The following CDC42BPB variants were observed in gnomAD, a reference collection of about 807,000 sequenced individuals.
CDC42BPB encodes the protein CDC42 binding protein kinase beta.
Under a neutral mutation model 214.9 loss-of-function variants are expected in CDC42BPB, and 37 were observed. The observed-to-expected ratio is 0.17, with a 90% CI of 0.13 to 0.23. The LOEUF (loss-of-function observed/expected upper bound fraction) is 0.23. Ranked by LOEUF, CDC42BPB falls within the 10% of genes least tolerant of loss-of-function variation. CDC42BPB has a pLI of 1.00. For missense variants in CDC42BPB, 1,694 were observed against 2,227.0 expected (o/e 0.76, Z 4.82); for synonymous variants, 931 against 884.0 (o/e 1.05, Z -0.94).
intron 14 of CDC42BPB, 43 bp downstream of exon 14, chr14:102,970,108 G>T: frequency 6.8e-7 from 1 of 1,464,736 alleles, no homozygotes; most frequent in Non-Finnish European, 9.5e-7. Context: ...GCAAAGATAA[G>T]CATCCCTCTC....
chr14:102,972,393 A>G (rs373232159), intron 12 of CDC42BPB: 9 of 936,356 alleles, frequency 9.6e-6, no homozygotes, highest in Middle Eastern at 5.4e-4. Flanking sequence ...GCACACCAAG[A>G]AAGGCCCCAC....
At chr14:102,987,913 G>A (rs192950818) in intron 5 of CDC42BPB, among the ~76,000 whole-genome samples, 40 of 151,904 alleles carry the variant, frequency 2.6e-4, no homozygotes, top group African/African-American at 4.8e-4. Flanking sequence ...GGCAGAGGCT[G>A]TAGTGAGCTG....
rs748164773 is a variant in CDC42BPB at position 102,940,303 on chromosome 14, G to A, written c.4430C>T (p.Thr1477Met). ...GTCCACGCCATACTCGCTGTACACC[G>A]TGACGTGGGTGGGGCTGCAACCTAG... ...VACSCSPTHV[T>M]VYSEYGVDVF... The change falls in exon 31 of 37, where the codon ACG becomes ATG. Residue 1477 changes from threonine (T) to methionine (M), a missense_variant. Physicochemically the swap from Thr to Met is moderately conservative, Grantham distance 81. Around this residue, in one of 7 missense-constraint regions of CDC42BPB, gnomAD observed 567 missense variants for 790.3 expected, o/e 0.72. Transcript: ENST00000361246. 8.2e-6 allele frequency: 13 copies of A among 1,576,656 alleles called. No homozygotes were observed. The highest frequency in any genetic ancestry group is 5.6e-5 in the Admixed American group (3 of 53,864).
intron 1 of CDC42BPB, among the ~76,000 whole-genome samples, chr14:103,056,702 G>A (rs1475206886): frequency 1.3e-5 from 2 of 151,722 alleles, no homozygotes; most frequent in East Asian, 1.9e-4. Context: ...GGGAACGTAG[G>A]ATGTGGCTCC....
intron 30 of CDC42BPB, among the ~76,000 whole-genome samples, chr14:102,942,424 T>C (rs553564575): frequency 2.0e-5 from 3 of 152,304 alleles, no homozygotes; most frequent in African/African-American, 7.2e-5. Context: ...AGAATGTCAT[T>C]CCCCAACTCT....
intron 1 of CDC42BPB, chr14:103,041,605 C>T (rs1887999399): frequency 2.4e-6 from 2 of 843,152 alleles, no homozygotes; most frequent in Non-Finnish European, 3.9e-6. Flanking sequence ...CCACATTGCC[C>T]TGCACACCGC....
intron 5 of CDC42BPB, among the ~76,000 whole-genome samples, chr14:102,990,229 G>A (rs1471099660): frequency 6.6e-6 from 1 of 152,146 alleles, no homozygotes; most frequent in Non-Finnish European, 1.5e-5. Context: ...AACACTGAAG[G>A]GGGAGATGGG....
At chr14:102,971,355 A>G (rs1595480044) in intron 13 of CDC42BPB, among the ~76,000 whole-genome samples, 1 of 152,230 alleles carries the variant, frequency 6.6e-6, no homozygotes, top group Non-Finnish European at 1.5e-5. Flanking sequence ...GCCATGGTGC[A>G]TGTTGAGAGC....
At chr14:102,962,213 G>A (rs1027795888) in intron 20 of CDC42BPB, among the ~76,000 whole-genome samples, 1 of 152,236 alleles carries the variant, frequency 6.6e-6, no homozygotes, top group Non-Finnish European at 1.5e-5. Flanking sequence ...TGGGAGGAAC[G>A]TCACTGCACA....
chr14:102,957,198 C>CAAAAAAA (rs1169886657), intron 21 of CDC42BPB, among the ~76,000 whole-genome samples: 1 of 33,408 alleles, frequency 3.0e-5, no homozygotes, highest in Non-Finnish European at 7.0e-5. Flanking sequence ...AAGACTGTCT[C>CAAAAAAA]AAAAAAAAAA....
chr14:103,033,624 T>G (rs1887512769), intron 1 of CDC42BPB, among the ~76,000 whole-genome samples: 1 of 152,126 alleles, frequency 6.6e-6, no homozygotes, highest in South Asian at 2.1e-4. Flanking sequence ...TAATACTCAT[T>G]ACACAAATAC....
intron 1 of CDC42BPB, among the ~76,000 whole-genome samples, chr14:103,032,324 C>A (rs1381664052): frequency 6.6e-6 from 1 of 151,994 alleles, no homozygotes; most frequent in East Asian, 1.9e-4. Flanking sequence ...ATATACTTTA[C>A]CACTGCAACA....
intron 5 of CDC42BPB, 145 bp downstream of exon 5, chr14:102,999,420 G>T: frequency 1.4e-6 from 1 of 698,064 alleles, no homozygotes; most frequent in South Asian, 1.9e-5. Flanking sequence ...ACGGTGATGT[G>T]GGCAAATCAG....
intron 15 of CDC42BPB, 37 bp from the exon 16 acceptor site, chr14:102,968,395 TA>T: frequency 6.2e-7 from 1 of 1,612,766 alleles, no homozygotes; most frequent in South Asian, 1.1e-5. Flanking sequence ...TAAAAGCTCG[TA>T]ACTTCACTGA....
chr14:103,011,382 G>A (rs766263758), intron 2 of CDC42BPB, among the ~76,000 whole-genome samples: 3 of 151,900 alleles, frequency 2.0e-5, no homozygotes, highest in Non-Finnish European at 4.4e-5. Context: ...GACCCTCTCT[G>A]TGTTTTTTAG....
At chr14:103,048,439 A>G (rs1158959867) in intron 1 of CDC42BPB, among the ~76,000 whole-genome samples, 2 of 149,112 alleles carry the variant, frequency 1.3e-5, no homozygotes, top group Non-Finnish European at 3.0e-5. Flanking sequence ...CTATAATCCC[A>G]GCACTCTGGG....
chr14:102,966,534 G>A (rs564887181), intron 17 of CDC42BPB, 147 bp from the exon 18 acceptor site: 54 of 1,434,006 alleles, frequency 3.8e-5, no homozygotes, highest in Admixed American at 1.1e-4. Flanking sequence ...TTGTATACAC[G>A]GGATCTCATT....
chr14:102,987,586 C>T (rs1182033457), intron 5 of CDC42BPB, among the ~76,000 whole-genome samples: 3 of 152,084 alleles, frequency 2.0e-5, no homozygotes, highest in Non-Finnish European at 2.9e-5. Flanking sequence ...ACCAACTCCC[C>T]CAGCCACATG....
At chr14:103,024,695 A>C (rs968973554) in intron 1 of CDC42BPB, among the ~76,000 whole-genome samples, 1 of 152,206 alleles carries the variant, frequency 6.6e-6, no homozygotes, top group African/African-American at 2.4e-5. Context: ...ATATTTGATG[A>C]AATATTCAAC....
Sources: allele counts gnomAD v4.1 joint callset (sites outside exome capture counted in the v4.1 genomes callset), GRCh38; gene constraint gnomAD v4.1.1; regional missense constraint gnomAD v4.1.1; transcripts MANE v1.5; gene names NCBI Gene and HGNC (gene_info 2026-07-23, HGNC 2026-07-21).